Variants in ZNF687 observed in about 807,000 individuals in gnomAD.
ZNF687 encodes zinc finger protein 687.
A neutral mutation model predicts 71.8 loss-of-function variants in ZNF687; 13 were observed. The observed-to-expected ratio is 0.18, with a 90% confidence interval of 0.12 to 0.29. ZNF687 has a LOEUF of 0.29. ZNF687 is among the 10% of genes least tolerant of loss of function. The pLI, the probability that ZNF687 is intolerant of heterozygous loss-of-function variation, is 1.00. For synonymous variants in ZNF687, 673 were observed against 641.6 expected (o/e 1.05, Z -0.74); for missense variants, 1,412 against 1,625.6 (o/e 0.87, Z 2.26).
Position 151,287,050 on chromosome 1 carries a change from G to C in ZNF687, c.759G>C (p.Ser253=). Residue 253 remains serine, a synonymous_variant, in exon 2 of 9, where the codon TCG becomes TCC. Transcript: ENST00000336715. The surrounding 1 kb of genome is among the most constrained non-coding windows in gnomAD (Gnocchi z 5.0). ...CCACGGACATCCCTGCCAGTGCCTC[G>C]CCTCCCCCAGTTGCTGGGGTGCCCT... ...PKATDIPASA[S]PPPVAGVPFF... is the part of the protein sequence containing the mutation. 6.2e-7 allele frequency: 1 copy of C among 1,609,572 alleles called. No individual in the cohort carries two copies. The highest frequency in any genetic ancestry group is 8.5e-7 in the Non-Finnish European group (1 of 1,176,812).
In ZNF687 at chr1:151,290,725, G is replaced by C; in HGVS notation, c.3230G>C (p.Arg1077Pro). The change falls in exon 9 of 9, where the codon CGG becomes CCG. Residue 1077 changes from arginine to proline, a missense_variant. By Grantham distance (103) the Arg-to-Pro change is moderately radical. Transcript: ENST00000336715. Reference sequence around the variant, plus strand: ...TCCACTTTTCTTCAGGGGCCAGGTCGGAAACGCCGCCAGTCTTCTGACTCT... The same window carrying C: ...TCCACTTTTCTTCAGGGGCCAGGTCCGAAACGCCGCCAGTCTTCTGACTCT... ...GSSARAQGPG[R>P]KRRQSSDSCS... is the part of the protein sequence containing the mutation. The C allele has an allele frequency of 6.2e-7, 1 of 1,602,474 alleles. No individual in the cohort carries two copies. The highest frequency in any genetic ancestry group is 8.5e-7 in the Non-Finnish European group (1 of 1,173,216).
chr1:151,288,276 C>G lies in ZNF687; in HGVS notation c.1985C>G (p.Pro662Arg), dbSNP rs971075718. Reference sequence around the variant, plus strand: ...GTCCTGCCGCTCTCCACAGAGCCGCCTGCTGCCCCGGCCACCTCTGCTTAC... The same window carrying G: ...GTCCTGCCGCTCTCCACAGAGCCGCGTGCTGCCCCGGCCACCTCTGCTTAC... ...APVLPLSTEP[P>R]AAPATSAYTC... The change falls in exon 2 of 9, where the codon CCT becomes CGT. Residue 662 changes from proline (P) to arginine (R), a missense_variant. Pro to Arg is a moderately radical substitution (Grantham distance 103). Around this residue, in one of 8 missense-constraint regions of ZNF687, gnomAD observed 207 missense variants for 239.2 expected, o/e 0.87. Coordinates refer to ENST00000336715, the MANE Select transcript of ZNF687 (RefSeq NM_020832.3). 3 of 1,613,554 alleles carry G rather than the reference C, an allele frequency of 1.9e-6. No homozygotes were observed. The highest frequency in any genetic ancestry group is 1.6e-4 in the Middle Eastern group (1 of 6,080).
intron 1 of ZNF687, chr1:151,283,236 G>A (rs587655554): frequency 3.0e-6 from 3 of 985,424 alleles, no homozygotes; most frequent in East Asian, 2.3e-4. Context: ...ACTTAATTCC[G>A]TCTGCTACCC....
chr1:151,283,483 G>A (rs1693814539), intron 1 of ZNF687, among the ~76,000 whole-genome samples: 1 of 152,122 alleles, frequency 6.6e-6, no homozygotes, highest in South Asian at 2.1e-4. Flanking sequence ...TGAGCTTGGC[G>A]GCTTGCTTGG....
chr1:151,289,090 C>T lies in ZNF687; in HGVS notation c.2295-5C>T, dbSNP rs1278067457. On this transcript the variant is annotated splice_region_variant and splice_polypyrimidine_tract_variant and intron_variant, in intron 3 of 8. Transcript: ENST00000336715. ...TCACCACAGGGCCTCCTGCTTCCTC[C>T]CTAGGTGCCCCAGCTGTTCAGTGGT... 1 of 1,613,472 alleles carries T rather than the reference C, an allele frequency of 6.2e-7. No individual in the cohort carries two copies.
chr1:151,283,423 C>A, intron 1 of ZNF687: 1 of 579,524 alleles, frequency 1.7e-6, no homozygotes, highest in Non-Finnish European at 2.2e-6. Flanking sequence ...GAGATAGGAG[C>A]CCTAGAGACA....
chr1:151,283,927 G>A (rs920069010), intron 1 of ZNF687: 31 of 985,294 alleles, frequency 3.1e-5, no homozygotes, highest in Non-Finnish European at 3.6e-5. Flanking sequence ...GCAGGGAATG[G>A]ATAGGGATAG....
rs776454096 is a variant in ZNF687, at chr1:151,290,731, G to A, written c.3236G>A (p.Arg1079His). The A allele has an allele frequency of 1.2e-5, 20 of 1,604,100 alleles. No homozygotes were observed. The highest frequency in any genetic ancestry group is 1.0e-4 in the Admixed American group (6 of 58,846). The part of the protein sequence containing the change: ...SARAQGPGRK[R>H]RQSSDSCSEE... ...TTTCTTCAGGGGCCAGGTCGGAAAC[G>A]CCGCCAGTCTTCTGACTCTTGCAGT... The change falls in exon 9 of 9, where the codon CGC becomes CAC. Residue 1079 changes from arginine to histidine, a missense_variant. Transcript: ENST00000336715.
intron 1 of ZNF687, chr1:151,283,413 G>A (rs943510575): frequency 1.5e-6 from 1 of 649,850 alleles, no homozygotes; most frequent in Non-Finnish European, 1.9e-6. Flanking sequence ...GGGGGCGGGG[G>A]AGATAGGAGC....
rs761814475 is a variant in ZNF687, at chr1:151,287,243, GACTCCCCTGCCTCCA to G, written c.953_967del (p.Asp318_Ser323delinsGly). ...CGAGGCTGCAGATGAGGACAGCAATGACTCCCCTGCCTCCAGCTCCTCTAGGCCTCTTAAGGTGCG... is the reference window on the plus strand; with the variant it reads ...CGAGGCTGCAGATGAGGACAGCAATGGCTCCTCTAGGCCTCTTAAGGTGCG... On this transcript the variant is annotated inframe_deletion, in exon 2 of 9. Transcript: ENST00000336715. The surrounding 1 kb of genome is among the most constrained non-coding windows in gnomAD (Gnocchi z 5.0). 35 of 1,614,076 alleles carry G rather than the reference GACTCCCCTGCCTCCA, an allele frequency of 2.2e-5. No homozygotes were observed. The highest frequency in any genetic ancestry group is 1.7e-5 in the Admixed American group (1 of 60,004).
At chr1:151,281,720 A>T (rs1693720012), upstream of ZNF687, 1 of 416,230 alleles carries the variant, frequency 2.4e-6, no homozygotes, top group Non-Finnish European at 5.1e-6. Flanking sequence ...TCAGCGGATG[A>T]CGTAATGTTT....
intron 1 of ZNF687, chr1:151,282,968 G>T (rs994502697): frequency 2.1e-5 from 6 of 290,976 alleles, no homozygotes; most frequent in Non-Finnish European, 3.1e-5. Flanking sequence ...GCTGAGAGTC[G>T]CGCAGAGACC....
At position 151,291,341 on chromosome 1, in the gene ZNF687, A is replaced by T. The variant is rs977420008; in HGVS notation, c.*132A>T. 8.1e-7 allele frequency: 1 copy of T among 1,239,314 alleles called. No individual in the cohort carries two copies. The highest frequency in any genetic ancestry group is 1.5e-5 in the African/African-American group (1 of 65,820). 76.8% of individuals were successfully genotyped at this position (1,239,314 alleles called of 1,614,324 possible). A position where few individuals can be genotyped will look rare whatever the true frequency, so the allele number is the denominator to read the frequency against. On this transcript the variant is annotated 3_prime_UTR_variant, in exon 9 of 9. Coordinates refer to ENST00000336715, the MANE Select transcript of ZNF687 (RefSeq NM_020832.3). ...AATTCCTGTCTCTCCAACCTGAAGA[A>T]GAAGAGCATTTGAGGATTATTCTAG...
rs887187208 is a variant in ZNF687 at position 151,291,884 on chromosome 1, A to T, written c.*675A>T. 1 of 151,984 alleles carries T rather than the reference A, an allele frequency of 6.6e-6. No individual in the cohort carries two copies. Among genetic ancestry groups the T allele is most frequent in the African/African-American group, 2.4e-5 (1 of 41,160 alleles). 9.4% of individuals were successfully genotyped at this position (151,984 alleles called of 1,614,324 possible). ...CTAGGGAGAAAACCAGACCATTAAAACTGTTTGTGGTCGAATCTCCATTCA... is the reference window on the plus strand; with the variant it reads ...CTAGGGAGAAAACCAGACCATTAAATCTGTTTGTGGTCGAATCTCCATTCA... On this transcript the variant is annotated 3_prime_UTR_variant, in exon 9 of 9. Coordinates refer to ENST00000336715, the MANE Select transcript of ZNF687 (RefSeq NM_020832.3).
At position 151,286,784 on chromosome 1, in the gene ZNF687, C is replaced by G; in HGVS notation, c.493C>G (p.His165Asp). 6.2e-7 allele frequency: 1 copy of G among 1,614,218 alleles called. No homozygotes were observed. Among genetic ancestry groups the G allele is most frequent in the East Asian group, 2.2e-5 (1 of 44,884 alleles). The part of the protein sequence containing the change: ...EGKTPLDLFA[H>D]FGPEPGDHSD... Reference sequence around the variant, plus strand: ...CAAAACTCCCTTGGACCTGTTTGCTCATTTTGGCCCTGAGCCAGGGGACCA... The same window carrying G: ...CAAAACTCCCTTGGACCTGTTTGCTGATTTTGGCCCTGAGCCAGGGGACCA... Residue 165 changes from histidine (H) to aspartate (D), a missense_variant, in exon 2 of 9, where the codon CAT becomes GAT. Around this residue, in one of 8 missense-constraint regions of ZNF687, gnomAD observed 490 missense variants for 489.9 expected, o/e 1.00. Transcript: ENST00000336715.
At position 151,286,502 on chromosome 1, in the gene ZNF687, G is replaced by T; in HGVS notation, c.211G>T (p.Asp71Tyr). 6.2e-7 allele frequency: 1 copy of T among 1,614,138 alleles called. No homozygotes were observed. The highest frequency in any genetic ancestry group is 1.1e-5 in the South Asian group (1 of 91,064). ...CCCTGGAGTTCCAGCCCAGGCCTCT[G>T]ACCATGGCCTGCCACCGCCAGACAT... ...DGPGVPAQAS[D>Y]HGLPPPDISV... Residue 71 changes from aspartate (D) to tyrosine (Y), a missense_variant, in exon 2 of 9, where the codon GAC (aspartate) becomes TAC (tyrosine). This residue lies in a region of ZNF687 where 490 missense variants were observed against 489.9 expected (regional missense o/e 1.00). Transcript: ENST00000336715.
At chr1:151,289,069 C>A (rs761658179) in intron 3 of ZNF687, 26 bp from the exon 4 acceptor site, 1 of 1,610,474 alleles carries the variant, frequency 6.2e-7, no homozygotes, top group Non-Finnish European at 8.5e-7. Flanking sequence ...CCCACCTCAC[C>A]ACAGGGCCTC....
intron 3 of ZNF687, 56 bp downstream of exon 3, chr1:151,288,762 C>G (rs745936640): frequency 2.7e-5 from 41 of 1,524,506 alleles, no homozygotes; most frequent in Non-Finnish European, 3.4e-5. Flanking sequence ...CTAGCCTCAG[C>G]CTCAGATGGC....
At position 151,284,268 on chromosome 1, in the gene ZNF687, A is replaced by G. The variant is rs587654785; in HGVS notation, c.-18+1873A>G. On this transcript the variant is annotated intron_variant, in intron 1 of 8. Transcript: ENST00000336715. Reference sequence around the variant, plus strand: ...TGGCAGCTGTGCTGGAGAAATGTGTATGTATCTTGGGAGTTTTAGCCTCGG... The same window carrying G: ...TGGCAGCTGTGCTGGAGAAATGTGTGTGTATCTTGGGAGTTTTAGCCTCGG... 1.8e-5 allele frequency: 18 copies of G among 985,194 alleles called. No individual in the cohort carries two copies. The South Asian group carries it at 8.0e-4, about 44-fold the overall frequency. 61.0% of individuals were successfully genotyped at this position (985,194 alleles called of 1,614,324 possible).
Sources: gnomAD v4.1 joint callset for allele counts (sites outside exome capture counted in the v4.1 genomes callset) on GRCh38, gnomAD v4.1.1 for gene constraint, gnomAD v4.1.1 regional missense constraint, Gnocchi (gnomAD v3.1) non-coding constraint, MANE v1.5 for transcripts, NCBI Gene and HGNC (gene_info 2026-07-23, HGNC 2026-07-21) for gene names.